The following NAV2 variants were observed in gnomAD, a reference collection of about 807,000 sequenced individuals.
NAV2 encodes the protein neuron navigator 2, also known as helicase, APC down-regulated 1.
A neutral mutation model predicts 223.2 loss-of-function variants in NAV2; 54 were observed. The ratio of observed to expected loss-of-function variants is 0.24; its 90% confidence interval spans 0.19 to 0.30. The LOEUF is 0.30. Ranked by LOEUF, NAV2 falls within the 10% of genes least tolerant of loss-of-function variation. The pLI, the probability that NAV2 is intolerant of heterozygous loss-of-function variation, is 1.00. For synonymous variants in NAV2, 1,279 were observed against 1,239.3 expected (o/e 1.03, Z -0.67); for missense variants, 2,806 against 3,147.5 (o/e 0.89, Z 2.60).
At chr11:19,944,656 CCTTTT>C (rs1474279929) in intron 8 of NAV2, among the ~76,000 whole-genome samples, 1,663 of 98,890 alleles carry the variant, frequency 0.017, 28 homozygotes, top group African/African-American at 0.051. Flanking sequence ...TCTTTCCTTT[CCTTTT>C]CTTTTCTCTT....
intron 1 of NAV2, among the ~76,000 whole-genome samples, chr11:19,660,305 G>A (rs577406691): frequency 2.0e-5 from 3 of 152,326 alleles, no homozygotes; most frequent in African/African-American, 7.2e-5. Context: ...TGGCAGACAA[G>A]GCCTTGATCT....
At chr11:19,644,724 C>T (rs1411230442) in intron 1 of NAV2, among the ~76,000 whole-genome samples, 1 of 152,168 alleles carries the variant, frequency 6.6e-6, no homozygotes, top group Non-Finnish European at 1.5e-5. Flanking sequence ...GGGGTGTGGA[C>T]CTCCGCTTGT....
chr11:19,508,081 T>C (rs564302285), intron 1 of NAV2, among the ~76,000 whole-genome samples: 2 of 152,310 alleles, frequency 1.3e-5, no homozygotes, highest in East Asian at 3.9e-4. Flanking sequence ...TTTCCTTTTA[T>C]AGCAAGGGCA....
intron 1 of NAV2, among the ~76,000 whole-genome samples, chr11:19,621,809 G>C (rs2047006928): frequency 6.6e-6 from 1 of 152,064 alleles, no homozygotes; most frequent in Admixed American, 6.6e-5. Flanking sequence ...TTTTGAATTT[G>C]TTTGCTCTTG....
At chr11:19,353,071 AG>A (rs1564870286) in intron 1 of NAV2, among the ~76,000 whole-genome samples, 4 of 152,086 alleles carry the variant, frequency 2.6e-5, no homozygotes, top group Non-Finnish European at 5.9e-5. Flanking sequence ...ACTCCTCTTC[AG>A]GGGGGATTGG....
intron 1 of NAV2, among the ~76,000 whole-genome samples, chr11:19,525,753 A>G (rs1020870217): frequency 1.4e-4 from 22 of 152,312 alleles, no homozygotes; most frequent in Admixed American, 1.4e-3. Context: ...GCATTTTCTT[A>G]TCTAGGAGAC....
chr11:19,760,710 T>C (rs1198089196), intron 1 of NAV2, among the ~76,000 whole-genome samples: 2 of 152,196 alleles, frequency 1.3e-5, no homozygotes, highest in Non-Finnish European at 2.9e-5. Flanking sequence ...AGAAGGAATT[T>C]AGCTAGGAGA....
intron 10 of NAV2, chr11:19,978,961 G>A (rs990759330): frequency 6.6e-6 from 1 of 152,198 alleles, no homozygotes; most frequent in African/African-American, 2.4e-5. Context: ...CTAAATGTTA[G>A]ACTTGAAGTC....
At chr11:19,686,960 A>C (rs2049041088) in intron 1 of NAV2, among the ~76,000 whole-genome samples, 1 of 152,222 alleles carries the variant, frequency 6.6e-6, no homozygotes, top group African/African-American at 2.4e-5. Flanking sequence ...CATTTTACAG[A>C]TGAGGAAACT....
chr11:19,944,084 C>A (rs2046635547), intron 8 of NAV2, among the ~76,000 whole-genome samples: 1 of 152,098 alleles, frequency 6.6e-6, no homozygotes, highest in African/African-American at 2.4e-5. Context: ...GCCTGTTATC[C>A]CAGCTACTCA....
chr11:19,372,819 G>A (rs1201246752), intron 1 of NAV2, among the ~76,000 whole-genome samples: 1 of 152,214 alleles, frequency 6.6e-6, no homozygotes, highest in Non-Finnish European at 1.5e-5. Context: ...TTATCTCACA[G>A]CATTTGGCCA....
rs374891415 is a variant in NAV2 at position 19,892,552 on chromosome 11, C to T, written c.889C>T (p.Pro297Ser). ...QSFNNYDKSK[P>S]VTSPPPPPSS... ...CTTTAACAACTATGATAAATCCAAA[C>T]CAGTCACCTCCCCACCCCCACCGCC... The change falls in exon 6 of 38, where the codon CCA (proline) becomes TCA (serine). Residue 297 changes from proline (P) to serine (S), a missense_variant. Transcript: ENST00000349880. 6.2e-7 allele frequency: 1 copy of T among 1,613,946 alleles called. No homozygotes were observed. Among genetic ancestry groups the T allele is most frequent in the African/African-American group, 1.3e-5 (1 of 74,926 alleles).
At chr11:19,967,878 A>T (rs1286215463) in intron 10 of NAV2, among the ~76,000 whole-genome samples, 1 of 152,152 alleles carries the variant, frequency 6.6e-6, no homozygotes, top group African/African-American at 2.4e-5. Flanking sequence ...TATTCTGGAG[A>T]TAAGGATCTC....
At chr11:19,516,352 C>A (rs547850591) in intron 1 of NAV2, among the ~76,000 whole-genome samples, 6 of 152,236 alleles carry the variant, frequency 3.9e-5, no homozygotes, top group Non-Finnish European at 8.8e-5. Context: ...ACTCCCACCC[C>A]CAAAGTCCAG....
chr11:19,976,955 C>G (rs2049816339), intron 10 of NAV2, among the ~76,000 whole-genome samples: 1 of 152,188 alleles, frequency 6.6e-6, no homozygotes, highest in African/African-American at 2.4e-5. Flanking sequence ...GTACATTGAA[C>G]TCCCAAATCC....
intron 1 of NAV2, among the ~76,000 whole-genome samples, chr11:19,814,880 C>T (rs1384343906): frequency 6.6e-6 from 1 of 152,166 alleles, no homozygotes; most frequent in East Asian, 1.9e-4. Context: ...TAAAACTTAT[C>T]CTTCTCCCCC....
rs536192138 is a variant in NAV2, at chr11:20,100,805, G to A, written c.6182-132G>A. Reference sequence around the variant, plus strand: ...CTCTCAGCCTCCAGTGTTCCTGGGTGTGCAGGAGTCTCAGGTGAGTGGACT... The same window carrying A: ...CTCTCAGCCTCCAGTGTTCCTGGGTATGCAGGAGTCTCAGGTGAGTGGACT... On this transcript the variant is annotated intron_variant, in intron 31 of 37. Coordinates refer to ENST00000349880, the MANE Select transcript of NAV2 (RefSeq NM_145117.5). 549 of 691,360 alleles carry A rather than the reference G, an allele frequency of 7.9e-4. 6 individuals carry two copies. In the South Asian group the frequency reaches 9.7e-3, roughly 12 times the overall value. 42.8% of individuals were successfully genotyped at this position (691,360 alleles called of 1,614,324 possible). A position where few individuals can be genotyped will look rare whatever the true frequency, so the allele number is the denominator to read the frequency against.
intron 1 of NAV2, among the ~76,000 whole-genome samples, chr11:19,744,471 G>A (rs2053158504): frequency 1.3e-5 from 2 of 152,182 alleles, no homozygotes; most frequent in South Asian, 4.1e-4. Flanking sequence ...GGCTGAGGAT[G>A]GAGGAAGGAG....
intron 6 of NAV2, among the ~76,000 whole-genome samples, chr11:19,914,701 C>T (rs1304515892): frequency 1.3e-5 from 2 of 151,792 alleles, no homozygotes; most frequent in Admixed American, 6.6e-5. Flanking sequence ...CCCGCCACCG[C>T]GCCCGGCTAA....
Sources: gnomAD v4.1 joint callset for allele counts (sites outside exome capture counted in the v4.1 genomes callset) on GRCh38, gnomAD v4.1.1 for gene constraint, MANE v1.5 for transcripts, NCBI Gene and HGNC (gene_info 2026-07-23, HGNC 2026-07-21) for gene names.